The following CCDC7 variants were observed in gnomAD, a reference collection of about 807,000 sequenced individuals.
CCDC7 encodes the protein coiled-coil domain containing 7, also known as coiled-coil domain-containing protein 7.
Under a neutral mutation model 196.9 loss-of-function variants are expected in CCDC7, and 183 were observed. The observed-to-expected ratio is 0.93, with a 90% CI of 0.82 to 1.05. The LOEUF (loss-of-function observed/expected upper bound fraction) is 1.05. Ranked by LOEUF, CCDC7 falls within the 50% of genes least tolerant of loss-of-function variation. The pLI is 0.00. For synonymous variants in CCDC7, 525 were observed against 484.6 expected (o/e 1.08, Z -1.10); for missense variants, 1,540 against 1,482.2 (o/e 1.04, Z -0.64).
intron 20 of CCDC7, among the ~76,000 whole-genome samples, chr10:32,651,142 T>C (rs2068687412): frequency 6.6e-6 from 1 of 151,944 alleles, no homozygotes; most frequent in Non-Finnish European, 1.5e-5. Flanking sequence ...TTCAGGGAGA[T>C]CTCCCCTGCC....
At chr10:32,733,312 A>T (rs1161734807) in intron 28 of CCDC7, among the ~76,000 whole-genome samples, 1 of 152,100 alleles carries the variant, frequency 6.6e-6, no homozygotes, top group African/African-American at 2.4e-5. Flanking sequence ...TGGATAATTG[A>T]TATGTATTTT....
chr10:32,854,596 C>A, intron 41 of CCDC7, 107 bp downstream of exon 42: 1 of 685,036 alleles, frequency 1.5e-6, no homozygotes, highest in East Asian at 3.0e-5. Context: ...TTCAAACAAC[C>A]AACCTTATGG....
rs371474446 is a variant in CCDC7, at chr10:32,489,743, C to G, written c.797-2179C>G. Among the ~76,000 whole-genome samples, 8 of 152,112 alleles carry G rather than the reference C, an allele frequency of 5.3e-5. No individual in the cohort carries two copies. In the East Asian group the frequency reaches 1.4e-3, roughly 26 times the overall value. On this transcript the variant is annotated intron_variant, in intron 8 of 41. Transcript: ENST00000639629. ...AGGCTGGTGCAGAGTGAGCATGGCT[C>G]TAGGGCCTGGGGTGGGGCTAGCCCT...
chr10:32,730,592 A>G (rs999395248), intron 28 of CCDC7, among the ~76,000 whole-genome samples: 1 of 152,016 alleles, frequency 6.6e-6, no homozygotes. Context: ...ATACCCATGT[A>G]TATAAAAATT....
At chr10:32,622,764 A>G (rs1280834527) in intron 18 of CCDC7, among the ~76,000 whole-genome samples, 5 of 152,084 alleles carry the variant, frequency 3.3e-5, no homozygotes, top group African/African-American at 9.7e-5. Flanking sequence ...TGGGGGAAAA[A>G]CACCTCCAGT....
At chr10:32,539,527 C>A (rs567016789) in intron 11 of CCDC7, among the ~76,000 whole-genome samples, 1 of 151,646 alleles carries the variant, frequency 6.6e-6, no homozygotes, top group African/African-American at 2.4e-5. Context: ...TTCTTCAGTT[C>A]AATTCTGATT....
At chr10:32,855,591 G>T (rs2093721986) in intron 41 of CCDC7, among the ~76,000 whole-genome samples, 1 of 152,104 alleles carries the variant, frequency 6.6e-6, no homozygotes, top group Non-Finnish European at 1.5e-5. Context: ...AGAATCTAAT[G>T]CTGCCACTGA....
chr10:32,673,653 ACGTG>A (rs1214021936), intron 21 of CCDC7, among the ~76,000 whole-genome samples: 51 of 120,684 alleles, frequency 4.2e-4, no homozygotes, highest in African/African-American at 6.6e-4. Flanking sequence ...ACCATTGTGC[ACGTG>A]TGTGTGTGTG....
Position 32,462,711 on chromosome 10 carries a change from C to A in CCDC7, c.477+8C>A. 2 of 1,456,286 alleles carry A rather than the reference C, an allele frequency of 1.4e-6. No individual in the cohort carries two copies. The highest frequency in any genetic ancestry group is 2.6e-5 in the South Asian group (2 of 78,206). The allele number at this position is 1,456,286 out of a possible 1,614,324, so 90.2% of individuals were successfully genotyped here. A position where few individuals can be genotyped will look rare whatever the true frequency, so the allele number is the denominator to read the frequency against. On this transcript the variant is annotated splice_region_variant and intron_variant, in intron 4 of 41. Coordinates refer to ENST00000639629, the Ensembl canonical transcript of CCDC7. ...TTGGAATCTCTTTTTAAGGTACGTT[C>A]AATATATTACAGCTTAAGCCTACTA...
chr10:32,498,056 G>A (rs543126384), intron 9 of CCDC7, among the ~76,000 whole-genome samples: 18 of 152,194 alleles, frequency 1.2e-4, no homozygotes, highest in African/African-American at 3.6e-4. Context: ...TTAAGGACTC[G>A]CTTTATGAAT....
intron 8 of CCDC7, among the ~76,000 whole-genome samples, chr10:32,474,919 A>T (rs2038686675): frequency 6.6e-6 from 1 of 152,192 alleles, no homozygotes; most frequent in African/African-American, 2.4e-5. Flanking sequence ...GCCCTCTTTC[A>T]ACTTCAGCTT....
intron 32 of CCDC7, among the ~76,000 whole-genome samples, chr10:32,826,988 G>T (rs2091225109): frequency 6.6e-6 from 1 of 152,344 alleles, no homozygotes; most frequent in East Asian, 1.9e-4. Context: ...TGGGGAAGAG[G>T]TATGTGGGTG....
chr10:32,654,826 T>C (rs983571970), intron 20 of CCDC7, among the ~76,000 whole-genome samples: 2 of 152,224 alleles, frequency 1.3e-5, no homozygotes, highest in Non-Finnish European at 2.9e-5. Flanking sequence ...ATGTGTTTTG[T>C]CTATTAGATT....
chr10:32,745,175 A>G (rs2074503413), intron 28 of CCDC7, among the ~76,000 whole-genome samples: 1 of 152,106 alleles, frequency 6.6e-6, no homozygotes, highest in Non-Finnish European at 1.5e-5. Flanking sequence ...CCATTGATCT[A>G]TTTGTCTATT....
chr10:32,675,330 G>A (rs2074757784), intron 21 of CCDC7, among the ~76,000 whole-genome samples: 1 of 134,344 alleles, frequency 7.4e-6, no homozygotes, highest in Non-Finnish European at 1.6e-5. Flanking sequence ...TTACCATAAA[G>A]TTAAAATGGT....
At chr10:32,462,861 C>A in intron 4 of CCDC7, 156 bp from the exon 6 acceptor site, 1 of 1,294,702 alleles carries the variant, frequency 7.7e-7, no homozygotes, top group Non-Finnish European at 1.1e-6. Context: ...AGTGCATTAG[C>A]CCCATTCTGA....
rs143516360 is a variant in CCDC7, at chr10:32,546,075, A to G, written c.1134+1774A>G. On this transcript the variant is annotated intron_variant, in intron 13 of 41. Transcript: ENST00000639629. ...TACAAGCAGGCAAAACAGCACATCT[A>G]TCCATTCAAATCACCCTGGCATAAC... Among the ~76,000 whole-genome samples the G allele has an allele frequency of 1.6e-3, 237 of 152,246 alleles. 1 individual carries two copies. Among genetic ancestry groups the G allele is most frequent in the African/African-American group, 5.1e-3 (213 of 41,538 alleles).
chr10:32,737,442 A>G (rs1301658699), intron 28 of CCDC7, among the ~76,000 whole-genome samples: 1 of 152,200 alleles, frequency 6.6e-6, no homozygotes, highest in African/African-American at 2.4e-5. Flanking sequence ...CTTATAGCCC[A>G]GAATAAGATC....
At chr10:32,469,467 G>C (rs2037497367) in intron 5 of CCDC7, among the ~76,000 whole-genome samples, 1 of 152,184 alleles carries the variant, frequency 6.6e-6, no homozygotes, top group African/African-American at 2.4e-5. Context: ...GGGCTGCAAG[G>C]CTGGTGGAGC....
Sources: allele counts gnomAD v4.1 joint callset (sites outside exome capture counted in the v4.1 genomes callset), GRCh38; gene constraint gnomAD v4.1.1; transcripts MANE v1.5; gene names NCBI Gene and HGNC (gene_info 2026-07-23, HGNC 2026-07-21).